Variants in SEC24C observed in about 807,000 individuals in gnomAD.
SEC24C encodes SEC24 homolog C, COPII component, also known as protein transport protein Sec24C.
SEC24C carries 22 observed loss-of-function variants against 117.0 expected under a neutral mutation model. The ratio of observed to expected loss-of-function variants is 0.19; its 90% CI spans 0.13 to 0.27. SEC24C has a LOEUF of 0.27. SEC24C is among the 10% of genes least tolerant of loss of function. The pLI is 1.00. For synonymous variants in SEC24C, 506 were observed against 529.4 expected, an observed-to-expected ratio of 0.96 and a Z score of 0.61; for missense variants, 1,155 against 1,375.1, an observed-to-expected ratio of 0.84 and a Z score of 2.53.
intron 3 of SEC24C, among the ~76,000 whole-genome samples, chr10:73,752,298 T>C (rs1056275832): frequency 6.6e-6 from 1 of 151,910 alleles, no homozygotes; most frequent in Admixed American, 6.6e-5. Context: ...ATTTTTTGTA[T>C]TTTTAGTAGA....
chr10:73,760,435 C>A, intron 5 of SEC24C, 49 bp downstream of exon 5: 2 of 1,510,666 alleles, frequency 1.3e-6, no homozygotes, highest in South Asian at 2.6e-5. Flanking sequence ...TTCAGCTACT[C>A]AGGTGGTTTT....
chr10:73,753,518 A>G (rs2082670987), intron 3 of SEC24C, among the ~76,000 whole-genome samples: 1 of 152,202 alleles, frequency 6.6e-6, no homozygotes, highest in African/African-American at 2.4e-5. Context: ...AAAAAATAAA[A>G]TGTTAGCTGG....
chr10:73,769,051 A>G lies in SEC24C; in HGVS notation c.2323A>G (p.Thr775Ala). ...DFFGAFYMSN[T>A]TDVELAGLDG... ...CTTTGGAGCTTTCTACATGAGCAAC[A>G]CGACAGATGTGGAGCTGGCTGGGCT... is the stretch of plus-strand genomic sequence containing the variant. Residue 775 changes from threonine (T) to alanine (A), a missense_variant, in exon 17 of 23, where the codon ACG (threonine) becomes GCG (alanine). By Grantham distance (58) the Thr-to-Ala change is moderately conservative. Coordinates refer to ENST00000345254, the MANE Select transcript of SEC24C (RefSeq NM_198597.3). The surrounding 1 kb of genome is among the most constrained non-coding windows in gnomAD (Gnocchi z 4.5). The G allele has an allele frequency of 1.2e-6, 2 of 1,614,250 alleles. No individual in the cohort carries two copies. Among genetic ancestry groups the G allele is most frequent in the South Asian group, 2.2e-5 (2 of 91,088 alleles).
Position 73,746,801 on chromosome 10 carries a change from A to T in SEC24C, c.-28-4A>T. ...TTTTGACTAATTTCTCCTCTCTCTC[A>T]CAGGTGAGATCAAATTGGGAATGCT... On this transcript the variant is annotated splice_polypyrimidine_tract_variant and splice_region_variant and intron_variant, in intron 1 of 22. Coordinates refer to ENST00000345254, the MANE Select transcript of SEC24C (RefSeq NM_198597.3). The T allele has an allele frequency of 6.4e-7, 1 of 1,573,358 alleles. No individual in the cohort carries two copies. Among genetic ancestry groups the T allele is most frequent in the African/African-American group, 1.4e-5 (1 of 74,002 alleles).
At chr10:73,755,783 T>C (rs1224959951) in intron 3 of SEC24C, among the ~76,000 whole-genome samples, 1 of 152,122 alleles carries the variant, frequency 6.6e-6, no homozygotes, top group Non-Finnish European at 1.5e-5. Context: ...AAAAAAATTT[T>C]TAAGTGCAAA....
Position 73,763,957 on chromosome 10 carries a change from C to T in SEC24C, c.1201C>T (p.Pro401Ser), listed in dbSNP as rs751229132. Residue 401 changes from proline to serine, a missense_variant, in exon 8 of 23, where the codon CCG (proline) becomes TCG (serine). Pro to Ser is a moderately conservative substitution (Grantham distance 74). Around this residue, in one of 2 missense-constraint regions of SEC24C, gnomAD observed 759 missense variants for 992.3 expected, o/e 0.76. Coordinates refer to ENST00000345254, the MANE Select transcript of SEC24C (RefSeq NM_198597.3). ...AQVPLAAVIK[P>S]LARLPPEEAS... Reference sequence around the variant, plus strand: ...GGTGCCCCTGGCAGCAGTCATCAAACCGCTGGCAAGGCTGCCCCCAGAGGA... The same window carrying T: ...GGTGCCCCTGGCAGCAGTCATCAAATCGCTGGCAAGGCTGCCCCCAGAGGA... 6.2e-7 allele frequency: 1 copy of T among 1,601,914 alleles called. No individual in the cohort carries two copies. Among genetic ancestry groups the T allele is most frequent in the Non-Finnish European group, 8.5e-7 (1 of 1,172,784 alleles).
chr10:73,766,569 T>C, intron 12 of SEC24C, 28 bp downstream of exon 12: 1 of 1,587,802 alleles, frequency 6.3e-7, no homozygotes. Flanking sequence ...GAGGTAAAGG[T>C]TGGGGGTGGC....
chr10:73,762,076 T>C, intron 6 of SEC24C: 15 of 1,287,412 alleles, frequency 1.2e-5, no homozygotes, highest in Non-Finnish European at 1.5e-5. Flanking sequence ...CCCTGCTGCA[T>C]TTATTATTAA....
intron 14 of SEC24C, 27 bp from the exon 15 acceptor site, chr10:73,767,810 T>C (rs2082908096): frequency 6.4e-7 from 1 of 1,560,538 alleles, no homozygotes; most frequent in Non-Finnish European, 8.7e-7. Context: ...TTGAACATTT[T>C]CTTCTCCCCA....
chr10:73,755,340 G>T (rs1180990173), intron 3 of SEC24C, among the ~76,000 whole-genome samples: 2 of 152,076 alleles, frequency 1.3e-5, no homozygotes, highest in Non-Finnish European at 2.9e-5. Context: ...ATTGGTAAAG[G>T]CAGTTTCAGT....
intron 14 of SEC24C, 147 bp from the exon 15 acceptor site, chr10:73,767,690 A>G (rs2082906215): frequency 1.8e-6 from 1 of 556,746 alleles, no homozygotes; most frequent in Non-Finnish European, 2.9e-6. Flanking sequence ...ATAATATAAA[A>G]GAAAATTTTT....
chr10:73,770,409 C>G lies in SEC24C; in HGVS notation c.2992C>G (p.Gln998Glu). 6.2e-7 allele frequency: 1 copy of G among 1,613,922 alleles called. No homozygotes were observed. The highest frequency in any genetic ancestry group is 8.5e-7 in the Non-Finnish European group (1 of 1,179,962). The change falls in exon 21 of 23, where the codon CAA (glutamine) becomes GAA (glutamate). Residue 998 changes from glutamine (Q) to glutamate (E), a missense_variant. By Grantham distance (29) the Gln-to-Glu change is conservative (BLOSUM62 2). Around this residue, in one of 2 missense-constraint regions of SEC24C, gnomAD observed 759 missense variants for 992.3 expected, o/e 0.76. Coordinates refer to ENST00000345254, the MANE Select transcript of SEC24C (RefSeq NM_198597.3). ...NLFLWVGASVQQGVVQSLFSV... is the reference protein window; with the variant it reads ...NLFLWVGASVEQGVVQSLFSV... ...CTTCCTCTGGGTGGGAGCAAGCGTC[C>G]AACAGGGTGTTGTCCAGAGCCTTTT...
intron 15 of SEC24C, 90 bp downstream of exon 15, chr10:73,768,097 G>T: frequency 7.7e-7 from 1 of 1,291,082 alleles, no homozygotes; most frequent in Non-Finnish European, 1.1e-6. Context: ...TAGAAATAGT[G>T]TTGGGGCCAG....
Position 73,751,119 on chromosome 10 carries a change from G to A in SEC24C, c.184G>A (p.Ala62Thr), listed in dbSNP as rs756927220. ...TCCTTTACCCTCAGGTATGTCAAGA[G>A]CCCCACCTTCCTCGGGGGCACCTCC... Reference protein sequence around the residue: ...QQTPPQGMSRAPPSSGAPPAS... With the variant: ...QQTPPQGMSRTPPSSGAPPAS... Residue 62 changes from alanine (A) to threonine (T), a missense_variant, in exon 3 of 23, where the codon GCC becomes ACC. Physicochemically the swap from Ala to Thr is moderately conservative, Grantham distance 58. This residue lies in a region of SEC24C where 396 missense variants were observed against 382.8 expected (regional missense o/e 1.03). Transcript: ENST00000345254. 1.1e-4 allele frequency: 170 copies of A among 1,613,902 alleles called. No individual in the cohort carries two copies. Among genetic ancestry groups the A allele is most frequent in the Non-Finnish European group, 1.4e-4 (163 of 1,179,940 alleles).
At chr10:73,766,908 T>C (rs1417673649) in intron 13 of SEC24C, 55 bp downstream of exon 13, 3 of 1,525,966 alleles carry the variant, frequency 2.0e-6, no homozygotes, top group Admixed American at 3.3e-5. Flanking sequence ...CTGACCATCT[T>C]ATCCCCTGGG....
chr10:73,767,474 CCTGA>C (rs1013493644), intron 14 of SEC24C, among the ~76,000 whole-genome samples: 1 of 152,200 alleles, frequency 6.6e-6, no homozygotes, highest in Non-Finnish European at 1.5e-5. Flanking sequence ...TTGAGACCAG[CCTGA>C]CTAACATGGC....
At chr10:73,752,827 A>C (rs916494536) in intron 3 of SEC24C, among the ~76,000 whole-genome samples, 1 of 152,116 alleles carries the variant, frequency 6.6e-6, no homozygotes, top group Non-Finnish European at 1.5e-5. Flanking sequence ...CTGTCACAAA[A>C]AAACAAAACA....
rs567446210 is a variant in SEC24C at position 73,753,398 on chromosome 10, G to C, written c.308+2155G>C. ...AAATAGTTTACACTTGGCTGGGTGA[G>C]GTGGCTCATGCCTATAATCCCAGCA... On this transcript the variant is annotated intron_variant, in intron 3 of 22. Transcript: ENST00000345254. 7.2e-5 allele frequency among the ~76,000 whole-genome samples: 11 copies of C among 152,232 alleles called. No homozygotes were observed. The South Asian group carries it at 1.5e-3, about 20-fold the overall frequency.
At chr10:73,762,926 C>G (rs1221139248) in intron 6 of SEC24C, among the ~76,000 whole-genome samples, 1 of 152,178 alleles carries the variant, frequency 6.6e-6, no homozygotes, top group Non-Finnish European at 1.5e-5. Flanking sequence ...TGATGCTTAC[C>G]TGAAAGTAAG....
Sources: gnomAD v4.1 joint callset for allele counts (sites outside exome capture counted in the v4.1 genomes callset) on GRCh38, gnomAD v4.1.1 for gene constraint, gnomAD v4.1.1 regional missense constraint, Gnocchi (gnomAD v3.1) non-coding constraint, MANE v1.5 for transcripts, NCBI Gene and HGNC (gene_info 2026-07-23, HGNC 2026-07-21) for gene names.